The following HCN1 variants were observed in gnomAD, a reference collection of about 807,000 sequenced individuals.
HCN1 encodes potassium/sodium hyperpolarization-activated cyclic nucleotide-gated channel 1.
In HCN1, 13 loss-of-function variants were observed where a neutral mutation model predicts 78.9. That is an observed-to-expected ratio of 0.16 (90% CI 0.11 to 0.26). The LOEUF (loss-of-function observed/expected upper bound fraction) is 0.26, where lower values mean the gene tolerates loss of function less well. HCN1 is among the 10% of genes least tolerant of loss of function. The probability of loss-of-function intolerance (pLI) is 1.00; values close to 1 mark genes in which losing one functional copy is unlikely to be tolerated. For synonymous variants in HCN1, 552 were observed against 455.5 expected, an observed-to-expected ratio of 1.21 and a Z score of -2.70; for missense variants, 810 against 1,154.3, an observed-to-expected ratio of 0.70 and a Z score of 4.32.
chr5:45,660,399 C>T (rs1411083168), intron 1 of HCN1, among the ~76,000 whole-genome samples: 4 of 122,342 alleles, frequency 3.3e-5, no homozygotes, highest in African/African-American at 1.1e-4. Flanking sequence ...CATCAACTAA[C>T]GAGCAAAATC....
intron 5 of HCN1, among the ~76,000 whole-genome samples, chr5:45,340,600 T>C (rs975799361): frequency 1.3e-5 from 2 of 152,216 alleles, no homozygotes; most frequent in Non-Finnish European, 2.9e-5. Context: ...AAATTCTGCT[T>C]TTCTTGTGAA....
chr5:45,360,312 G>T (rs1022063608), intron 4 of HCN1, among the ~76,000 whole-genome samples: 1 of 151,522 alleles, frequency 6.6e-6, no homozygotes, highest in African/African-American at 2.4e-5. Flanking sequence ...ATTTAAAATT[G>T]TTTGCTCTTC....
intron 2 of HCN1, among the ~76,000 whole-genome samples, chr5:45,574,154 T>C (rs1167314980): frequency 6.6e-6 from 1 of 152,082 alleles, no homozygotes; most frequent in Non-Finnish European, 1.5e-5. Context: ...AGGAATATCT[T>C]GGTTTATTGG....
At chr5:45,460,969 T>C (rs894963240) in intron 3 of HCN1, among the ~76,000 whole-genome samples, 1 of 151,452 alleles carries the variant, frequency 6.6e-6, no homozygotes, top group Non-Finnish European at 1.5e-5. Flanking sequence ...TCTCATAAAA[T>C]TAAAGTACCA....
intron 1 of HCN1, among the ~76,000 whole-genome samples, chr5:45,664,336 T>C (rs1166884274): frequency 4.3e-4 from 61 of 140,538 alleles, no homozygotes; most frequent in African/African-American, 1.6e-3. Flanking sequence ...AGGGATAGCA[T>C]TGGGAGATAT....
intron 2 of HCN1, among the ~76,000 whole-genome samples, chr5:45,640,650 CT>C (rs1745436156): frequency 6.6e-6 from 1 of 150,796 alleles, no homozygotes; most frequent in South Asian, 2.1e-4. Flanking sequence ...TCTCAGCTCA[CT>C]GCAACCTCCA....
chr5:45,581,781 C>A (rs1289047117), intron 2 of HCN1, among the ~76,000 whole-genome samples: 1 of 152,140 alleles, frequency 6.6e-6, no homozygotes, highest in Non-Finnish European at 1.5e-5. Context: ...ATAGGGAATC[C>A]TTTCCCCATT....
chr5:45,406,182 G>A (rs761010418), intron 3 of HCN1, among the ~76,000 whole-genome samples: 10 of 152,030 alleles, frequency 6.6e-5, no homozygotes, highest in Non-Finnish European at 1.3e-4. Context: ...CTTAAATACT[G>A]TAAGTGTGAT....
At chr5:45,262,909 T>C (rs1744779217) in intron 7 of HCN1, 99 bp from the exon 8 acceptor site, 5 of 1,332,038 alleles carry the variant, frequency 3.8e-6, no homozygotes, top group Non-Finnish European at 5.3e-6. Context: ...TAGCTGTGCT[T>C]CACAGGAGAG....
intron 3 of HCN1, among the ~76,000 whole-genome samples, chr5:45,404,029 G>T (rs1739873166): frequency 6.6e-6 from 1 of 152,030 alleles, no homozygotes; most frequent in African/African-American, 2.4e-5. Context: ...AAAGTCATAG[G>T]TTTTTTTGCC....
chr5:45,580,035 T>C (rs989531170), intron 2 of HCN1, among the ~76,000 whole-genome samples: 1 of 152,096 alleles, frequency 6.6e-6, no homozygotes, highest in Non-Finnish European at 1.5e-5. Flanking sequence ...GAGTCGCCTA[T>C]TCAAAGCCAC....
rs571487181 is a variant in HCN1, at chr5:45,513,849, C to A, written c.850-51842G>T. ...ATTATCTATAAAGCCTCATAGATTT[C>A]AGACCCACATTAAGGTAGATACATG... is the stretch of plus-strand genomic sequence containing the variant. On this transcript the variant is annotated intron_variant, in intron 2 of 7. Transcript: ENST00000303230. Among the ~76,000 whole-genome samples, 5 of 152,220 alleles carry A rather than the reference C, an allele frequency of 3.3e-5. No individual in the cohort carries two copies. The South Asian group carries it at 1.0e-3, about 32-fold the overall frequency.
chr5:45,491,067 C>T (rs187817156), intron 2 of HCN1, among the ~76,000 whole-genome samples: 1 of 152,266 alleles, frequency 6.6e-6, no homozygotes, highest in East Asian at 1.9e-4. Context: ...CTCCTTAAGT[C>T]ACTAAGGCTT....
At chr5:45,673,195 CATG>C (rs1336065962) in intron 1 of HCN1, among the ~76,000 whole-genome samples, 2 of 151,342 alleles carry the variant, frequency 1.3e-5, no homozygotes, top group African/African-American at 4.8e-5. Flanking sequence ...GTGTTTTTCT[CATG>C]ATTAGACTGA....
intron 5 of HCN1, among the ~76,000 whole-genome samples, chr5:45,321,463 G>A (rs1294802569): frequency 6.7e-6 from 1 of 150,162 alleles, no homozygotes; most frequent in African/African-American, 2.5e-5. Context: ...CCACAGTGGG[G>A]CCTCCCTGTT....
At position 45,460,866 on chromosome 5, in the gene HCN1, T is replaced by C. The variant is rs1456642717; in HGVS notation, c.1011+980A>G. Among the ~76,000 whole-genome samples the C allele has an allele frequency of 7.9e-5, 12 of 151,290 alleles. No homozygotes were observed. In the South Asian group the frequency reaches 1.7e-3, roughly 21 times the overall value. ...AAAAAATCATAATCTTTGGTGTCCA[T>C]GTAATTTCTACAAAAATAAGCCAAC... On this transcript the variant is annotated intron_variant, in intron 3 of 7. Transcript: ENST00000303230.
At chr5:45,458,877 A>G (rs1741084725) in intron 3 of HCN1, among the ~76,000 whole-genome samples, 1 of 152,164 alleles carries the variant, frequency 6.6e-6, no homozygotes, top group Non-Finnish European at 1.5e-5. Context: ...TAGTAAGTGT[A>G]TTAAATAAAT....
At position 45,260,944 on chromosome 5, in the gene HCN1, A is replaced by C. The variant is rs547335427; in HGVS notation, c.*977T>G. On this transcript the variant is annotated 3_prime_UTR_variant, in exon 8 of 8. Transcript: ENST00000303230. ...CTATTTTCAGATGCTTGATTATGGCAAGAAGAAAGAAAAGTAACGATTTTT... is the reference window on the plus strand; with the variant it reads ...CTATTTTCAGATGCTTGATTATGGCCAGAAGAAAGAAAAGTAACGATTTTT... The C allele has an allele frequency of 6.5e-6, 1 of 152,686 alleles. No homozygotes were observed. Among genetic ancestry groups the C allele is most frequent in the African/African-American group, 2.4e-5 (1 of 41,572 alleles). 9.5% of individuals were successfully genotyped at this position (152,686 alleles called of 1,614,324 possible).
chr5:45,498,895 G>T (rs1396734902), intron 2 of HCN1, among the ~76,000 whole-genome samples: 4 of 152,236 alleles, frequency 2.6e-5, no homozygotes, highest in Admixed American at 6.5e-5. Context: ...TAGGCTGCTT[G>T]GGGGTCAGGG....
Sources: allele counts gnomAD v4.1 joint callset (sites outside exome capture counted in the v4.1 genomes callset), GRCh38; gene constraint gnomAD v4.1.1; transcripts MANE v1.5; gene names NCBI Gene and HGNC (gene_info 2026-07-23, HGNC 2026-07-21).